The following CTNNA2 variants were observed in gnomAD, a reference collection of about 807,000 sequenced individuals.
CTNNA2 encodes the protein catenin alpha 2.
Under a neutral mutation model 101.0 loss-of-function variants are expected in CTNNA2, and 42 were observed. That is an observed-to-expected ratio of 0.42 (90% CI 0.32 to 0.54). CTNNA2 has a LOEUF of 0.54. Ranked by LOEUF, CTNNA2 falls within the 20% of genes least tolerant of loss-of-function variation. The pLI is 0.14. For synonymous variants in CTNNA2, 450 were observed against 456.4 expected, an observed-to-expected ratio of 0.99 and a Z score of 0.18; for missense variants, 871 against 1,223.1, an observed-to-expected ratio of 0.71 and a Z score of 4.29.
At chr2:80,003,249 A>G (rs1368626501) in intron 7 of CTNNA2, among the ~76,000 whole-genome samples, 4 of 152,134 alleles carry the variant, frequency 2.6e-5, no homozygotes, top group African/African-American at 4.8e-5. Context: ...CATCTTTACC[A>G]TTGTATGCAT....
chr2:80,482,244 T>G (rs1686208095), intron 9 of CTNNA2, among the ~76,000 whole-genome samples: 1 of 152,146 alleles, frequency 6.6e-6, no homozygotes, highest in South Asian at 2.1e-4. Context: ...GGGAACACCT[T>G]GAAACCTAAG....
intron 7 of CTNNA2, chr2:80,305,345 C>T: frequency 2.0e-6 from 2 of 985,340 alleles, no homozygotes; most frequent in South Asian, 9.4e-5. Context: ...TGCAGGGAGA[C>T]TTGACTGAGA....
At chr2:79,225,530 G>T (rs981069162) in intron 2 of CTNNA2, among the ~76,000 whole-genome samples, 2 of 152,124 alleles carry the variant, frequency 1.3e-5, no homozygotes, top group Non-Finnish European at 2.9e-5. Flanking sequence ...TCTTTTAGGA[G>T]TTTATGTTCT....
chr2:79,662,522 TG>T (rs1320284660), intron 2 of CTNNA2, among the ~76,000 whole-genome samples: 1 of 152,146 alleles, frequency 6.6e-6, no homozygotes, highest in Non-Finnish European at 1.5e-5. Context: ...TTAACTATTT[TG>T]GACAATGTAG....
intron 7 of CTNNA2, among the ~76,000 whole-genome samples, chr2:80,384,732 G>T (rs1676846030): frequency 6.6e-6 from 1 of 151,966 alleles, no homozygotes; most frequent in Non-Finnish European, 1.5e-5. Context: ...TTAGAGCTGG[G>T]TCAGTAATTT....
At chr2:80,233,328 G>C (rs1190582819) in intron 7 of CTNNA2, among the ~76,000 whole-genome samples, 2 of 152,050 alleles carry the variant, frequency 1.3e-5, no homozygotes, top group Non-Finnish European at 2.9e-5. Flanking sequence ...AAAAAGAGCA[G>C]ATGCCCCCTG....
intron 2 of CTNNA2, among the ~76,000 whole-genome samples, chr2:79,221,790 T>C (rs754634659): frequency 3.9e-5 from 6 of 152,084 alleles, no homozygotes; most frequent in Non-Finnish European, 8.8e-5. Flanking sequence ...GATAATCTTC[T>C]CTAGTGAGAA....
chr2:79,285,944 T>C (rs917437768), intron 2 of CTNNA2, among the ~76,000 whole-genome samples: 69 of 148,004 alleles, frequency 4.7e-4, no homozygotes, highest in Non-Finnish European at 7.9e-4. Flanking sequence ...GCTCCTGTAT[T>C]GGGTGCATAT....
rs571364866 is a variant in CTNNA2, at chr2:79,721,433, C to G, written c.103-22954C>G. The stretch of plus-strand genomic sequence containing the variant: ...CCAGTCCTAAAATGGGGGCTCCATC[C>G]AGATTACCTTATCTAATCCTAATTA... On this transcript the variant is annotated intron_variant, in intron 2 of 18. Coordinates refer to ENST00000402739, the MANE Select transcript of CTNNA2 (RefSeq NM_001282597.3). Among the ~76,000 whole-genome samples, 10 of 152,310 alleles carry G rather than the reference C, an allele frequency of 6.6e-5. No individual in the cohort carries two copies. In the South Asian group the frequency reaches 2.1e-3, roughly 32 times the overall value.
At chr2:80,610,208 C>A (rs1431749158) in intron 17 of CTNNA2, among the ~76,000 whole-genome samples, 1 of 151,640 alleles carries the variant, frequency 6.6e-6, no homozygotes, top group Non-Finnish European at 1.5e-5. Flanking sequence ...GGTGCCACAC[C>A]TACATCTATA....
chr2:80,294,725 C>T (rs1558976626), intron 7 of CTNNA2, among the ~76,000 whole-genome samples: 1 of 152,092 alleles, frequency 6.6e-6, no homozygotes, highest in Non-Finnish European at 1.5e-5. Context: ...GGGTGGGGTC[C>T]AGGAGTCAGT....
chr2:79,422,303 G>A (rs1678548226), intron 4 of CTNNA2, among the ~76,000 whole-genome samples: 1 of 151,860 alleles, frequency 6.6e-6, no homozygotes, highest in South Asian at 2.1e-4. Flanking sequence ...CTCTAAACCA[G>A]GGGGAGTTTT....
At chr2:79,574,771 A>G (rs1182866670) in intron 1 of CTNNA2, among the ~76,000 whole-genome samples, 2 of 152,272 alleles carry the variant, frequency 1.3e-5, no homozygotes, top group East Asian at 3.9e-4. Flanking sequence ...ATTCTGTTTT[A>G]AGTTATTTGA....
chr2:79,595,918 TTGTCAGAATCCCTC>T (rs1677161317), intron 1 of CTNNA2, among the ~76,000 whole-genome samples: 1 of 150,780 alleles, frequency 6.6e-6, no homozygotes, highest in Non-Finnish European at 1.5e-5. Flanking sequence ...GCCTCAGTTC[TTGTCAGAATCCCTC>T]TGTGAGCGTA....
At chr2:80,122,255 C>T (rs2148879978) in intron 7 of CTNNA2, among the ~76,000 whole-genome samples, 1 of 151,516 alleles carries the variant, frequency 6.6e-6, no homozygotes. Context: ...TCTTCCCTCT[C>T]TCTGTTTCCC....
intron 7 of CTNNA2, among the ~76,000 whole-genome samples, chr2:80,195,419 T>A (rs1447304213): frequency 6.6e-6 from 1 of 152,174 alleles, no homozygotes; most frequent in East Asian, 1.9e-4. Flanking sequence ...TGATTTAACA[T>A]ATTTGAAAGG....
chr2:80,328,059 T>C (rs967787472), intron 7 of CTNNA2, among the ~76,000 whole-genome samples: 1 of 152,210 alleles, frequency 6.6e-6, no homozygotes, highest in Non-Finnish European at 1.5e-5. Context: ...TAATATGAAA[T>C]GAGAAGTGAA....
At chr2:79,215,210 C>T (rs1326983241) in intron 2 of CTNNA2, among the ~76,000 whole-genome samples, 1 of 152,092 alleles carries the variant, frequency 6.6e-6, no homozygotes, top group Non-Finnish European at 1.5e-5. Context: ...ACAGATGGGA[C>T]GTGGCTTAGG....
chr2:79,637,052 G>T (rs958153289), intron 1 of CTNNA2: 1 of 152,222 alleles, frequency 6.6e-6, no homozygotes, highest in Non-Finnish European at 1.5e-5. Context: ...AAGCCAGATT[G>T]TTGTGGGATG....
Sources: allele counts gnomAD v4.1 joint callset (sites outside exome capture counted in the v4.1 genomes callset), GRCh38; gene constraint gnomAD v4.1.1; transcripts MANE v1.5; gene names NCBI Gene and HGNC (gene_info 2026-07-23, HGNC 2026-07-21).